Variants in MUCL3 observed in about 807,000 individuals in gnomAD.
MUCL3 encodes mucin-like protein 3.
In MUCL3, 42 loss-of-function variants were observed where a neutral mutation model predicts 70.2. The ratio of observed to expected loss-of-function variants is 0.60; its 90% CI spans 0.47 to 0.77. The LOEUF is 0.77. Among genes scored for constraint, MUCL3 ranks in the 30% least tolerant of loss-of-function variants. The pLI is 0.00. For synonymous variants in MUCL3, 522 were observed against 647.0 expected (o/e 0.81, Z 2.93); for missense variants, 1,429 against 1,670.0 (o/e 0.86, Z 2.52).
chr6:30,949,282 T>C lies in MUCL3; in HGVS notation c.818T>C (p.Ile273Thr). 1 of 1,551,312 alleles carries C rather than the reference T, an allele frequency of 6.4e-7. No homozygotes were observed. Among genetic ancestry groups the C allele is most frequent in the Non-Finnish European group, 8.7e-7 (1 of 1,146,948 alleles). Residue 273 changes from isoleucine to threonine, a missense_variant, in exon 2 of 3, where the codon ATA (isoleucine) becomes ACA (threonine). Ile to Thr is a moderately conservative substitution (Grantham distance 89). Transcript: ENST00000462446. Reference sequence around the variant, plus strand: ...ACTACAAAAAACATACAAGAGACCATATCAGCCAATGAGCTCACACAATCT... The same window carrying C: ...ACTACAAAAAACATACAAGAGACCACATCAGCCAATGAGCTCACACAATCT... ...TKTTKNIQETISANELTQSLA... is the reference protein window; with the variant it reads ...TKTTKNIQETTSANELTQSLA...
At chr6:30,944,135 T>C (rs1795690963) in intron 1 of MUCL3, among the ~76,000 whole-genome samples, 1 of 152,226 alleles carries the variant, frequency 6.6e-6, no homozygotes, top group Admixed American at 6.5e-5. Flanking sequence ...TGGGACAGCG[T>C]GCCCTGACAG....
chr6:30,941,094 C>G lies in MUCL3; in HGVS notation c.82+13C>G, dbSNP rs1490690263. On this transcript the variant is annotated intron_variant, in intron 1 of 2. Coordinates refer to ENST00000462446, the MANE Select transcript of MUCL3 (RefSeq NM_080870.4). ...TCTTGGGGGGCAGGTAAGATGCCCA[C>G]AGGGGATACAGAAGACAGAAACAGC... 6.5e-7 allele frequency: 1 copy of G among 1,548,960 alleles called. No individual in the cohort carries two copies. The highest frequency in any genetic ancestry group is 8.7e-7 in the Non-Finnish European group (1 of 1,146,892).
chr6:30,949,475 A>G lies in MUCL3; in HGVS notation c.1011A>G (p.Pro337=). ...RERTANENTA[P]FPAGPTENRE... ...GGACAGCCAATGAGAACACCGCACCATTCCCAGCAGGGCCTACAGAAAATA... is the reference window on the plus strand; with the variant it reads ...GGACAGCCAATGAGAACACCGCACCGTTCCCAGCAGGGCCTACAGAAAATA... The change falls in exon 2 of 3, where the codon CCA becomes CCG. Residue 337 remains proline, a synonymous_variant. Transcript: ENST00000462446. 2.6e-6 allele frequency: 4 copies of G among 1,549,984 alleles called. No individual in the cohort carries two copies. Among genetic ancestry groups the G allele is most frequent in the Non-Finnish European group, 3.5e-6 (4 of 1,146,286 alleles).
At chr6:30,946,614 G>A (rs542177910) in intron 1 of MUCL3, among the ~76,000 whole-genome samples, 1 of 152,152 alleles carries the variant, frequency 6.6e-6, no homozygotes, top group Non-Finnish European at 1.5e-5. Flanking sequence ...TCACTTCACA[G>A]GTTCATAATT....
chr6:30,943,388 G>A (rs1795658025), intron 1 of MUCL3, among the ~76,000 whole-genome samples: 1 of 152,112 alleles, frequency 6.6e-6, no homozygotes, highest in Admixed American at 6.5e-5. Flanking sequence ...ATCTGAGGGA[G>A]CACAGGTGCA....
At position 30,949,687 on chromosome 6, in the gene MUCL3, T is replaced by C. The variant is rs957856246; in HGVS notation, c.1223T>C (p.Phe408Ser). 2 of 1,529,856 alleles carry C rather than the reference T, an allele frequency of 1.3e-6. No homozygotes were observed. Among genetic ancestry groups the C allele is most frequent in the Non-Finnish European group, 1.8e-6 (2 of 1,142,510 alleles). 94.8% of individuals were successfully genotyped at this position (1,529,856 alleles called of 1,614,324 possible). Residue 408 changes from phenylalanine (F) to serine (S), a missense_variant, in exon 2 of 3, where the codon TTT (phenylalanine) becomes TCT (serine). Physicochemically the swap from Phe to Ser is radical, Grantham distance 155. Transcript: ENST00000462446. ...ACAGAACATGGAGAAAGGACCCCAT[T>C]TGCCAATGACAAAACCACATCATCC... ...EPTEHGERTP[F>S]ANDKTTSSSA...
intron 1 of MUCL3, among the ~76,000 whole-genome samples, chr6:30,947,350 T>C (rs1040369524): frequency 1.3e-5 from 2 of 152,136 alleles, no homozygotes; most frequent in African/African-American, 2.4e-5. Context: ...CCCATATTTC[T>C]TTCAAGGACT....
chr6:30,949,240 A>G lies in MUCL3; in HGVS notation c.776A>G (p.Asp259Gly), dbSNP rs1345606134. ...GATTCCAGAACAACAGTTGCCTCAG[A>G]CAAGCTCCTGACAAAAACTACAAAA... is the stretch of plus-strand genomic sequence containing the variant. ...TEDSRTTVASDKLLTKTTKNI... is the reference protein window; with the variant it reads ...TEDSRTTVASGKLLTKTTKNI... Residue 259 changes from aspartate (D) to glycine (G), a missense_variant, in exon 2 of 3, where the codon GAC becomes GGC. Physicochemically the swap from Asp to Gly is moderately conservative, Grantham distance 94. Transcript: ENST00000462446. 1 of 1,550,410 alleles carries G rather than the reference A, an allele frequency of 6.4e-7. No individual in the cohort carries two copies. Among genetic ancestry groups the G allele is most frequent in the Admixed American group, 2.0e-5 (1 of 50,674 alleles).
rs1230377286 is a variant in MUCL3, at chr6:30,954,107, A to G, written c.*990A>G. ...TTCTGGATTTTCTCTCTCTCTTCTTATGGCCATTTCACCTTATTACTGATT... is the reference window on the plus strand; with the variant it reads ...TTCTGGATTTTCTCTCTCTCTTCTTGTGGCCATTTCACCTTATTACTGATT... On this transcript the variant is annotated 3_prime_UTR_variant, in exon 3 of 3. Coordinates refer to ENST00000462446, the MANE Select transcript of MUCL3 (RefSeq NM_080870.4). This position sits in a 1 kb window ranked among gnomAD's most constrained non-coding sequence, Gnocchi z 4.4. 1 of 152,026 alleles carries G rather than the reference A, an allele frequency of 6.6e-6. No individual in the cohort carries two copies. The highest frequency in any genetic ancestry group is 2.4e-5 in the African/African-American group (1 of 41,346). The allele number at this position is 152,026 out of a possible 1,614,324, so 9.4% of individuals were successfully genotyped here.
Position 30,951,894 on chromosome 6 carries a change from G to A in MUCL3, c.3430G>A (p.Glu1144Lys), listed in dbSNP as rs1174106074. ...SANVITPAPA[E>K]PIKHAKRTTL... ...CAATGTGATCACACCAGCCCCAGCA[G>A]AGCCTATAAAACATGCAAAAAGGAC... Residue 1144 changes from glutamate (E) to lysine (K), a missense_variant, in exon 2 of 3, where the codon GAG becomes AAG. Coordinates refer to ENST00000462446, the MANE Select transcript of MUCL3 (RefSeq NM_080870.4). 3 of 1,613,576 alleles carry A rather than the reference G, an allele frequency of 1.9e-6. No individual in the cohort carries two copies. Among genetic ancestry groups the A allele is most frequent in the Admixed American group, 1.7e-5 (1 of 59,956 alleles).
rs370719305 is a variant in MUCL3, at chr6:30,952,521, C to G, written c.4035+22C>G. On this transcript the variant is annotated intron_variant, in intron 2 of 2. Coordinates refer to ENST00000462446, the MANE Select transcript of MUCL3 (RefSeq NM_080870.4). ...CTTGGTAAGGGACAGATGTGCCCCACAGAAATCAACCTATGGGATAGGGAA... is the reference window on the plus strand; with the variant it reads ...CTTGGTAAGGGACAGATGTGCCCCAGAGAAATCAACCTATGGGATAGGGAA... The G allele has an allele frequency of 2.9e-4, 451 of 1,561,238 alleles. 10 individuals carry two copies. Among genetic ancestry groups the G allele is most frequent in the East Asian group, 2.7e-3 (121 of 44,554 alleles).
chr6:30,947,709 T>C (rs1582253645), intron 1 of MUCL3, among the ~76,000 whole-genome samples: 1 of 151,130 alleles, frequency 6.6e-6, no homozygotes, highest in African/African-American at 2.4e-5. Context: ...CAAGCAGATA[T>C]CTTTTCCTTT....
rs774234659 is a variant in MUCL3, at chr6:30,949,489, C to T, written c.1025C>T (p.Pro342Leu). 2.5e-5 allele frequency: 39 copies of T among 1,550,352 alleles called. No individual in the cohort carries two copies. The highest frequency in any genetic ancestry group is 3.3e-5 in the Non-Finnish European group (38 of 1,146,682). ...AACACCGCACCATTCCCAGCAGGGC[C>T]TACAGAAAATAGAGAAATGACAGCC... ...NENTAPFPAG[P>L]TENREMTANE... The change falls in exon 2 of 3, where the codon CCT becomes CTT. Residue 342 changes from proline (P) to leucine (L), a missense_variant. By Grantham distance (98) the Pro-to-Leu change is moderately conservative. Transcript: ENST00000462446.
Position 30,952,414 on chromosome 6 carries a change from A to G in MUCL3, c.3950A>G (p.Asn1317Ser). ...KGIHAGQMGE[N>S]DSFPAWAIVI... ...ATCCACGCTGGACAGATGGGAGAGA[A>G]TGATTCATTCCCTGCATGGGCCATA... The change falls in exon 2 of 3, where the codon AAT becomes AGT. Residue 1317 changes from asparagine to serine, a missense_variant. Coordinates refer to ENST00000462446, the MANE Select transcript of MUCL3 (RefSeq NM_080870.4). 6.2e-7 allele frequency: 1 copy of G among 1,614,128 alleles called. No homozygotes were observed. The highest frequency in any genetic ancestry group is 8.5e-7 in the Non-Finnish European group (1 of 1,180,008).
At chr6:30,947,408 T>A (rs1459928755) in intron 1 of MUCL3, among the ~76,000 whole-genome samples, 1 of 152,076 alleles carries the variant, frequency 6.6e-6, no homozygotes, top group Non-Finnish European at 1.5e-5. Context: ...TGGACTGTGG[T>A]TTCTTGTGAT....
rs1480645256 is a variant in MUCL3 at position 30,948,873 on chromosome 6, C to G, written c.409C>G (p.Gln137Glu). Residue 137 changes from glutamine (Q) to glutamate (E), a missense_variant, in exon 2 of 3, where the codon CAG becomes GAG. Coordinates refer to ENST00000462446, the MANE Select transcript of MUCL3 (RefSeq NM_080870.4). ...AGGGAAAGACCCAATGATCCGGAAC[C>G]AGCGCTCTGTTGATCCTGCTGACTC... ...NQGKDPMIRN[Q>E]RSVDPADSTT... 10 of 1,551,400 alleles carry G rather than the reference C, an allele frequency of 6.4e-6. No homozygotes were observed. The highest frequency in any genetic ancestry group is 8.7e-6 in the Non-Finnish European group (10 of 1,146,956).
rs1479188345 is a variant in MUCL3 at position 30,950,494 on chromosome 6, C to A, written c.2030C>A (p.Ala677Glu). The change falls in exon 2 of 3, where the codon GCA becomes GAA. Residue 677 changes from alanine (A) to glutamate (E), a missense_variant. By Grantham distance (107) the Ala-to-Glu change is moderately radical. Coordinates refer to ENST00000462446, the MANE Select transcript of MUCL3 (RefSeq NM_080870.4). ...TANEKTTSSPAEPTENGQRTP... is the reference protein window; with the variant it reads ...TANEKTTSSPEEPTENGQRTP... ...AATGAGAAGACCACATCATCCCCAG[C>A]AGAGCCTACAGAAAATGGACAAAGG... is the stretch of plus-strand genomic sequence containing the variant. 2 of 1,550,956 alleles carry A rather than the reference C, an allele frequency of 1.3e-6. No homozygotes were observed. Among genetic ancestry groups the A allele is most frequent in the East Asian group, 4.9e-5 (2 of 40,808 alleles).
At chr6:30,941,723 A>G (rs1795588994) in intron 1 of MUCL3, among the ~76,000 whole-genome samples, 1 of 151,898 alleles carries the variant, frequency 6.6e-6, no homozygotes. Context: ...CGGCCTCCCA[A>G]AGTGCTGGTA....
Position 30,950,731 on chromosome 6 carries a change from C to T in MUCL3, c.2267C>T (p.Pro756Leu), listed in dbSNP as rs1042687237. Residue 756 changes from proline (P) to leucine (L), a missense_variant, in exon 2 of 3, where the codon CCA (proline) becomes CTA (leucine). Pro to Leu is a moderately conservative substitution (Grantham distance 98). Coordinates refer to ENST00000462446, the MANE Select transcript of MUCL3 (RefSeq NM_080870.4). ...RTANENTTPSPAQPTENGDRT... is the reference protein window; with the variant it reads ...RTANENTTPSLAQPTENGDRT... The stretch of plus-strand genomic sequence containing the variant: ...GCCAATGAGAACACCACACCATCCC[C>T]AGCACAGCCTACAGAAAATGGAGAC... 8 of 1,550,496 alleles carry T rather than the reference C, an allele frequency of 5.2e-6. No individual in the cohort carries two copies. The highest frequency in any genetic ancestry group is 2.4e-5 in the South Asian group (2 of 83,998).
Sources: allele counts gnomAD v4.1 joint callset (sites outside exome capture counted in the v4.1 genomes callset), GRCh38; gene constraint gnomAD v4.1.1; non-coding constraint Gnocchi (gnomAD v3.1); transcripts MANE v1.5; gene names NCBI Gene and HGNC (gene_info 2026-07-23, HGNC 2026-07-21).